CD33: variants seen among roughly 807,000 people sequenced by gnomAD.
CD33 encodes myeloid cell surface antigen CD33.
Under a neutral mutation model 31.4 loss-of-function variants are expected in CD33, and 25 were observed. That is an observed-to-expected ratio of 0.80 (90% CI 0.58 to 1.11). The LOEUF is 1.11. CD33 is among the 50% of genes most tolerant of loss of function. The pLI is 0.00. For missense variants in CD33, 407 were observed against 448.1 expected (o/e 0.91, Z 0.83); for synonymous variants, 176 against 180.6 (o/e 0.97, Z 0.20).
chr19:51,232,419 G>A (rs1244791070), intron 4 of CD33, among the ~76,000 whole-genome samples: 3 of 152,170 alleles, frequency 2.0e-5, no homozygotes, highest in Non-Finnish European at 4.4e-5. Flanking sequence ...AGTACTTTGA[G>A]CTTCCTGGAC....
At chr19:51,225,192 C>A (rs770886754) in intron 1 of CD33, 26 bp from the exon 2 acceptor site, 2 of 1,613,040 alleles carry the variant, frequency 1.2e-6, no homozygotes, top group African/African-American at 2.7e-5. Flanking sequence ...TCGGGCTGGG[C>A]CGAGCTGACC....
At chr19:51,220,586 A>G (rs565285274), upstream of CD33, among the ~76,000 whole-genome samples, 24 of 152,300 alleles carry the variant, frequency 1.6e-4, no homozygotes, top group African/African-American at 5.8e-4. Flanking sequence ...ATTAGATGTA[A>G]GGGTTGACTG....
chr19:51,221,315 C>A (rs1473909036), upstream of CD33, among the ~76,000 whole-genome samples: 1 of 150,998 alleles, frequency 6.6e-6, no homozygotes, highest in Non-Finnish European at 1.5e-5. Context: ...GTTTTATCAG[C>A]CACCTCACCA....
chr19:51,225,883 T>C lies in CD33; in HGVS notation c.499T>C (p.Trp167Arg). The C allele has an allele frequency of 6.2e-7, 1 of 1,614,096 alleles. No individual in the cohort carries two copies. Among genetic ancestry groups the C allele is most frequent in the Non-Finnish European group, 8.5e-7 (1 of 1,180,014 alleles). The change falls in exon 3 of 7, where the codon TGG (tryptophan) becomes CGG (arginine). Residue 167 changes from tryptophan (W) to arginine (R), a missense_variant. Transcript: ENST00000262262. ...CAAAAACCTGACCTGCTCTGTGTCC[T>C]GGGCCTGTGAGCAGGGAACACCCCC... is the stretch of plus-strand genomic sequence containing the variant. ...HSKNLTCSVS[W>R]ACEQGTPPIF...
chr19:51,214,217 T>C, the CD33 span, among the ~76,000 whole-genome samples: 1 of 143,314 alleles, frequency 7.0e-6, no homozygotes, highest in Non-Finnish European at 1.5e-5. Context: ...TTTTTTTTTT[T>C]AGATGGAGTC....
At chr19:51,224,597 T>C (rs1437275388), upstream of CD33, among the ~76,000 whole-genome samples, 2 of 152,190 alleles carry the variant, frequency 1.3e-5, no homozygotes, top group African/African-American at 2.4e-5. Context: ...AATGAATGAA[T>C]AAATGAATGG....
the CD33 span, among the ~76,000 whole-genome samples, chr19:51,218,593 C>A: frequency 6.6e-6 from 1 of 152,146 alleles, no homozygotes; most frequent in Non-Finnish European, 1.5e-5. Flanking sequence ...GTTGTGAATT[C>A]TTTGCCTACG....
the CD33 span, among the ~76,000 whole-genome samples, chr19:51,216,773 T>A: frequency 6.6e-6 from 1 of 151,734 alleles, no homozygotes; most frequent in Non-Finnish European, 1.5e-5. Context: ...TAGAGAAAAA[T>A]CATGCAGGGA....
chr19:51,211,341 T>C, the CD33 span: 4 of 1,557,132 alleles, frequency 2.6e-6, no homozygotes, highest in Non-Finnish European at 2.7e-6. Context: ...TCTCAGTTCA[T>C]GGTTACTGGT....
chr19:51,214,373 T>G, the CD33 span, among the ~76,000 whole-genome samples: 4 of 151,402 alleles, frequency 2.6e-5, no homozygotes, highest in African/African-American at 9.8e-5. Flanking sequence ...ATTTTTTGTA[T>G]TTTTAGTAGA....
At chr19:51,237,336 A>G (rs1981870950) in intron 6 of CD33, 1 of 152,242 alleles carries the variant, frequency 6.6e-6, no homozygotes, top group African/African-American at 2.4e-5. Flanking sequence ...AATATAAAAT[A>G]TTCCTCCTAT....
the CD33 span, chr19:51,212,096 G>C: frequency 3.0e-6 from 2 of 663,498 alleles, no homozygotes. Context: ...GGACGCCTGG[G>C]TCCCTGAGGG....
chr19:51,233,887 C>T (rs1981595573), intron 4 of CD33, among the ~76,000 whole-genome samples: 1 of 152,144 alleles, frequency 6.6e-6, no homozygotes, highest in Non-Finnish European at 1.5e-5. Context: ...TAACTCTCCA[C>T]TCCCTTGCTG....
rs553496706 is a variant in CD33, at chr19:51,239,944, G to A, written c.*256G>A. 1.6e-5 allele frequency: 5 copies of A among 321,352 alleles called. No individual in the cohort carries two copies. The East Asian group carries it at 2.9e-4, about 18-fold the overall frequency. The allele number at this position is 321,352 out of a possible 1,614,324, so 19.9% of individuals were successfully genotyped here. A position where few individuals can be genotyped will look rare whatever the true frequency, so the allele number is the denominator to read the frequency against. Reference sequence around the variant, plus strand: ...TCCATGTCTCCATTTTCTTCTCTGTGAAGTAGGTATAAGAAGTCCTATCTC... The same window carrying A: ...TCCATGTCTCCATTTTCTTCTCTGTAAAGTAGGTATAAGAAGTCCTATCTC... On this transcript the variant is annotated 3_prime_UTR_variant, in exon 7 of 7. Coordinates refer to ENST00000262262, the MANE Select transcript of CD33 (RefSeq NM_001772.4).
intron 4 of CD33, among the ~76,000 whole-genome samples, chr19:51,230,922 C>T (rs1217384121): frequency 6.6e-6 from 1 of 152,004 alleles, no homozygotes; most frequent in Non-Finnish European, 1.5e-5. Flanking sequence ...GGGTGGAAGG[C>T]TGCCCTGCCA....
chr19:51,229,070 A>C (rs1002126560), intron 4 of CD33, among the ~76,000 whole-genome samples: 11 of 152,074 alleles, frequency 7.2e-5, no homozygotes, highest in African/African-American at 2.7e-4. Flanking sequence ...TTCCTTCTAT[A>C]CCTAATTTAT....
In CD33 at chr19:51,225,530, T is replaced by A. The variant is rs750670998; in HGVS notation, c.350T>A (p.Phe117Tyr). 21 of 1,603,008 alleles carry A rather than the reference T, an allele frequency of 1.3e-5. No individual in the cohort carries two copies. The highest frequency in any genetic ancestry group is 8.5e-5 in the Admixed American group (5 of 58,896). The stretch of plus-strand genomic sequence containing the variant: ...AGGAGGAGGGATAATGGTTCATACT[T>A]CTTTCGGATGGAGAGAGGAAGTACC... ...DARRRDNGSY[F>Y]FRMERGSTKY... is the part of the protein sequence containing the mutation. The change falls in exon 2 of 7, where the codon TTC becomes TAC. Residue 117 changes from phenylalanine to tyrosine, a missense_variant. Phe to Tyr is a conservative substitution (Grantham distance 22). Coordinates refer to ENST00000262262, the MANE Select transcript of CD33 (RefSeq NM_001772.4).
chr19:51,226,391 G>A, intron 4 of CD33, 35 bp downstream of exon 4: 1 of 1,588,756 alleles, frequency 6.3e-7, no homozygotes, highest in South Asian at 1.1e-5. Flanking sequence ...GGCTGTTACT[G>A]ACATTGAGTC....
intron 4 of CD33, 47 bp from the exon 5 acceptor site, chr19:51,235,110 C>T (rs1430081387): frequency 6.8e-7 from 1 of 1,474,164 alleles, no homozygotes; most frequent in Admixed American, 1.7e-5. Context: ...GATACACATA[C>T]CTGTTTATCT....
Sources: allele counts gnomAD v4.1 joint callset (sites outside exome capture counted in the v4.1 genomes callset), GRCh38; gene constraint gnomAD v4.1.1; transcripts MANE v1.5; gene names NCBI Gene and HGNC (gene_info 2026-07-23, HGNC 2026-07-21).